The following ACSM1 variants were observed in gnomAD, a reference collection of about 807,000 sequenced individuals.
ACSM1 encodes the protein acyl-CoA synthetase medium chain family member 1.
In ACSM1, 79 loss-of-function variants were observed where a neutral mutation model predicts 75.8. That is an observed-to-expected ratio of 1.04 (90% CI 0.87 to 1.26). The LOEUF is 1.26. Among genes scored for constraint, ACSM1 ranks in the 50% most tolerant of loss-of-function variants. The probability of loss-of-function intolerance (pLI) is 0.00; values close to 1 mark genes in which losing one functional copy is unlikely to be tolerated. For missense variants in ACSM1, 676 were observed against 720.1 expected, an observed-to-expected ratio of 0.94 and a Z score of 0.70; for synonymous variants, 279 against 265.8, an observed-to-expected ratio of 1.05 and a Z score of -0.48.
chr16:20,687,557 A>C (rs973149624), intron 2 of ACSM1, among the ~76,000 whole-genome samples: 1 of 152,168 alleles, frequency 6.6e-6, no homozygotes, highest in African/African-American at 2.4e-5. Context: ...ACATAAAAAC[A>C]TAAAGCACAC....
intron 7 of ACSM1, among the ~76,000 whole-genome samples, chr16:20,654,098 C>T (rs911630836): frequency 6.6e-6 from 1 of 152,122 alleles, no homozygotes; most frequent in East Asian, 1.9e-4. Flanking sequence ...AGAAATAATA[C>T]CAAACATCTA....
intron 10 of ACSM1, among the ~76,000 whole-genome samples, chr16:20,633,245 C>A (rs997230537): frequency 5.3e-5 from 8 of 152,066 alleles, no homozygotes; most frequent in African/African-American, 1.9e-4. Context: ...GATGGCATGA[C>A]CATATATAGA....
chr16:20,694,833 T>C (rs917256911), intron 1 of ACSM1, among the ~76,000 whole-genome samples: 7 of 152,068 alleles, frequency 4.6e-5, no homozygotes, highest in Non-Finnish European at 8.8e-5. Flanking sequence ...TGGGCCCTAA[T>C]CCAATATGAC....
At position 20,623,247 on chromosome 16, in the gene ACSM1, G is replaced by A. The variant is rs2016719464; in HGVS notation, c.*239C>T. ...TCAACACAGGGTATTGTTGATATCA[G>A]TATTTTATTACTTGCGTTATGAGTG... On this transcript the variant is annotated 3_prime_UTR_variant, in exon 14 of 14. Transcript: ENST00000520010. 4.2e-6 allele frequency: 2 copies of A among 479,102 alleles called. No homozygotes were observed. Among genetic ancestry groups the A allele is most frequent in the Non-Finnish European group, 7.6e-6 (2 of 262,938 alleles). 29.7% of individuals were successfully genotyped at this position (479,102 alleles called of 1,614,324 possible).
intron 10 of ACSM1, among the ~76,000 whole-genome samples, chr16:20,627,824 ATCTCTCTCTCTC>A (rs68102086): frequency 0.19 from 18,268 of 98,376 alleles, 2,937 homozygotes; most frequent in African/African-American, 0.4. Flanking sequence ...GTGAGACTTC[ATCTCTCTCTCTC>A]TCTCTCTCTC....
chr16:20,671,460 CA>C, intron 5 of ACSM1, 70 bp downstream of exon 5: 1 of 1,478,130 alleles, frequency 6.8e-7, no homozygotes, highest in Non-Finnish European at 9.1e-7. Context: ...CACACACACA[CA>C]CACACACACA....
intron 4 of ACSM1, among the ~76,000 whole-genome samples, chr16:20,675,215 A>T (rs1305103849): frequency 2.0e-5 from 3 of 152,062 alleles, no homozygotes; most frequent in African/African-American, 7.2e-5. Flanking sequence ...CCGGGACACG[A>T]GAGAGGGTTG....
intron 6 of ACSM1, among the ~76,000 whole-genome samples, chr16:20,667,351 T>G (rs960555719): frequency 4.6e-5 from 7 of 151,924 alleles, no homozygotes; most frequent in African/African-American, 1.5e-4. Context: ...ATGGGCAAAG[T>G]ACATAAACAG....
At chr16:20,655,613 TA>T (rs2018916113) in intron 7 of ACSM1, among the ~76,000 whole-genome samples, 1 of 152,114 alleles carries the variant, frequency 6.6e-6, no homozygotes, top group African/African-American at 2.4e-5. Flanking sequence ...AGTACAAAAC[TA>T]ATTGGTTAAA....
chr16:20,628,466 CT>C (rs1170685217), intron 10 of ACSM1, among the ~76,000 whole-genome samples: 1 of 152,138 alleles, frequency 6.6e-6, no homozygotes, highest in Non-Finnish European at 1.5e-5. Context: ...TTGCTAACAA[CT>C]AATTTGTTCT....
At chr16:20,627,107 GC>G in intron 11 of ACSM1, 81 bp downstream of exon 11, 1 of 1,439,824 alleles carries the variant, frequency 6.9e-7, no homozygotes, top group Non-Finnish European at 9.1e-7. Flanking sequence ...TTTCACCAAT[GC>G]GTGAAAAAAT....
chr16:20,643,083 T>C (rs1233396118), intron 7 of ACSM1, among the ~76,000 whole-genome samples: 2 of 152,144 alleles, frequency 1.3e-5, no homozygotes, highest in Non-Finnish European at 2.9e-5. Flanking sequence ...ATGGCTTTCC[T>C]CTCTGTTGAC....
At chr16:20,645,369 A>C (rs2018301796) in intron 7 of ACSM1, among the ~76,000 whole-genome samples, 1 of 152,180 alleles carries the variant, frequency 6.6e-6, no homozygotes, top group Admixed American at 6.5e-5. Context: ...CAGATGGGAA[A>C]CGTTCCCCCC....
At chr16:20,623,609 C>A (rs746245671) in intron 13 of ACSM1, 37 bp from the exon 14 acceptor site, 1 of 1,581,246 alleles carries the variant, frequency 6.3e-7, no homozygotes, top group South Asian at 1.1e-5. Flanking sequence ...GTGATTGAGT[C>A]CTGCTGCCAT....
intron 7 of ACSM1, among the ~76,000 whole-genome samples, chr16:20,654,833 AGT>A (rs2018857915): frequency 6.6e-6 from 1 of 152,240 alleles, no homozygotes; most frequent in African/African-American, 2.4e-5. Flanking sequence ...TGTGGAAGAC[AGT>A]GTGGCAATTC....
intron 10 of ACSM1, among the ~76,000 whole-genome samples, chr16:20,632,655 TA>T (rs575716074): frequency 4.3e-4 from 65 of 152,250 alleles, no homozygotes; most frequent in African/African-American, 1.5e-3. Flanking sequence ...TTTACAAAAT[TA>T]AAGAAAAGGA....
intron 13 of ACSM1, 47 bp from the exon 14 acceptor site, chr16:20,623,619 T>C (rs1422964033): frequency 6.4e-7 from 1 of 1,558,892 alleles, no homozygotes; most frequent in Non-Finnish European, 8.8e-7. Flanking sequence ...CCTGCTGCCA[T>C]TTCCTAACAA....
At chr16:20,658,438 C>T (rs1480550432) in intron 7 of ACSM1, among the ~76,000 whole-genome samples, 1 of 151,586 alleles carries the variant, frequency 6.6e-6, no homozygotes, top group African/African-American at 2.4e-5. Flanking sequence ...ATCCTTCACC[C>T]ACTTTTTGAT....
chr16:20,688,049 C>T (rs565099587), intron 2 of ACSM1, among the ~76,000 whole-genome samples: 10 of 150,754 alleles, frequency 6.6e-5, no homozygotes, highest in African/African-American at 2.0e-4. Context: ...CGTGCCACTG[C>T]GCTCCAGCCT....
Sources: allele counts gnomAD v4.1 joint callset (sites outside exome capture counted in the v4.1 genomes callset), GRCh38; gene constraint gnomAD v4.1.1; transcripts MANE v1.5; gene names NCBI Gene and HGNC (gene_info 2026-07-23, HGNC 2026-07-21).